TYR: variants seen among roughly 807,000 people sequenced by gnomAD.
TYR encodes the protein LB24-AB.
In TYR, 58 loss-of-function variants were observed where a neutral mutation model predicts 51.5. The ratio of observed to expected loss-of-function variants is 1.13; its 90% confidence interval spans 0.91 to 1.40. TYR has a LOEUF of 1.40. Among genes scored for constraint, TYR ranks in the 40% most tolerant of loss-of-function variants. The pLI, the probability that TYR is intolerant of heterozygous loss-of-function variation, is 0.00. For synonymous variants in TYR, 263 were observed against 235.2 expected, an observed-to-expected ratio of 1.12 and a Z score of -1.08; for missense variants, 732 against 647.4, an observed-to-expected ratio of 1.13 and a Z score of -1.42.
chr11:89,293,090 G>A (rs1309656245), intron 4 of TYR, among the ~76,000 whole-genome samples: 2 of 152,058 alleles, frequency 1.3e-5, no homozygotes, highest in Non-Finnish European at 2.9e-5. Flanking sequence ...TATGACTAAA[G>A]GTGTAGATAG....
intron 3 of TYR, among the ~76,000 whole-genome samples, chr11:89,264,206 A>C (rs1485870742): frequency 1.3e-5 from 2 of 152,052 alleles, no homozygotes; most frequent in Non-Finnish European, 2.9e-5. Flanking sequence ...CTTTTTAAAA[A>C]AAAATTCCTA....
intron 2 of TYR, among the ~76,000 whole-genome samples, chr11:89,206,708 T>C (rs1157800440): frequency 6.6e-6 from 1 of 152,050 alleles, no homozygotes; most frequent in African/African-American, 2.4e-5. Flanking sequence ...AAACATATGC[T>C]AAACATATGA....
At chr11:89,247,118 C>G (rs1944276809) in intron 3 of TYR, among the ~76,000 whole-genome samples, 1 of 152,092 alleles carries the variant, frequency 6.6e-6, no homozygotes, top group South Asian at 2.1e-4. Context: ...TCATATTTGT[C>G]TATATTCTGA....
chr11:89,204,589 G>A (rs1462215693), intron 2 of TYR, among the ~76,000 whole-genome samples: 2 of 151,844 alleles, frequency 1.3e-5, no homozygotes, highest in Non-Finnish European at 2.9e-5. Flanking sequence ...GTAGAGACAG[G>A]ATTTCACTAT....
intron 2 of TYR, chr11:89,192,064 C>T (rs765638017): frequency 4.3e-5 from 19 of 445,144 alleles, no homozygotes; most frequent in African/African-American, 3.4e-4. Context: ...AATAAGGACA[C>T]AGCACATAGG....
At chr11:89,266,288 C>A (rs1176380541) in intron 3 of TYR, among the ~76,000 whole-genome samples, 1 of 151,894 alleles carries the variant, frequency 6.6e-6, no homozygotes. Flanking sequence ...ACCATAAATA[C>A]TCTTAGTCAT....
At chr11:89,293,622 C>G (rs1211723525) in intron 4 of TYR, 1 of 152,674 alleles carries the variant, frequency 6.5e-6, no homozygotes, top group Non-Finnish European at 1.5e-5. Flanking sequence ...AAACCCAACT[C>G]TCCCAATACT....
At chr11:89,236,869 C>G (rs191800105) in intron 3 of TYR, among the ~76,000 whole-genome samples, 8 of 152,274 alleles carry the variant, frequency 5.3e-5, no homozygotes, top group Admixed American at 3.3e-4. Context: ...TTGACCTCCT[C>G]CATAAACTAT....
chr11:89,243,683 A>G (rs1044222839), intron 3 of TYR, among the ~76,000 whole-genome samples: 5 of 152,188 alleles, frequency 3.3e-5, no homozygotes, highest in African/African-American at 1.2e-4. Context: ...AAGTGTAACA[A>G]TGTCCAACTG....
intron 1 of TYR, among the ~76,000 whole-genome samples, chr11:89,187,823 T>C (rs1943395094): frequency 1.3e-5 from 2 of 152,016 alleles, no homozygotes; most frequent in African/African-American, 4.8e-5. Context: ...TACACAATAA[T>C]ACATAGTGAA....
chr11:89,220,377 G>C (rs1943893134), intron 2 of TYR, among the ~76,000 whole-genome samples: 1 of 151,980 alleles, frequency 6.6e-6, no homozygotes, highest in African/African-American at 2.4e-5. Flanking sequence ...AGCACCAAAC[G>C]GATGGTACTA....
chr11:89,258,022 G>A (rs1411170881), intron 3 of TYR, among the ~76,000 whole-genome samples: 2 of 151,858 alleles, frequency 1.3e-5, no homozygotes, highest in Non-Finnish European at 1.5e-5. Flanking sequence ...TTAACAATGT[G>A]AAATTGTGTT....
chr11:89,243,885 G>T (rs1944232715), intron 3 of TYR, among the ~76,000 whole-genome samples: 1 of 151,900 alleles, frequency 6.6e-6, no homozygotes, highest in Non-Finnish European at 1.5e-5. Context: ...AATAAGGAAG[G>T]TTATAGAATA....
intron 3 of TYR, among the ~76,000 whole-genome samples, chr11:89,252,974 T>G (rs1944347789): frequency 6.6e-6 from 1 of 151,822 alleles, no homozygotes; most frequent in Non-Finnish European, 1.5e-5. Context: ...AGTGGTAAAT[T>G]GAATCACAAT....
intron 3 of TYR, among the ~76,000 whole-genome samples, chr11:89,244,083 T>A (rs1401676088): frequency 6.6e-6 from 1 of 152,080 alleles, no homozygotes. Context: ...ATATGTACAT[T>A]TTTGCAATAA....
At chr11:89,190,854 A>G (rs1007057702) in intron 1 of TYR, among the ~76,000 whole-genome samples, 2 of 152,062 alleles carry the variant, frequency 1.3e-5, no homozygotes, top group African/African-American at 4.8e-5. Flanking sequence ...ATAGGTTTAG[A>G]TGTATAGATA....
At chr11:89,193,189 C>T (rs555089451) in intron 2 of TYR, among the ~76,000 whole-genome samples, 18 of 152,192 alleles carry the variant, frequency 1.2e-4, no homozygotes, top group African/African-American at 3.4e-4. Flanking sequence ...CATTGCAAAG[C>T]GAAGCTACAT....
At chr11:89,272,742 C>T (rs1944604060) in intron 3 of TYR, among the ~76,000 whole-genome samples, 1 of 151,902 alleles carries the variant, frequency 6.6e-6, no homozygotes, top group Non-Finnish European at 1.5e-5. Flanking sequence ...AGTGTAATGG[C>T]TTTCATCTCT....
intron 3 of TYR, among the ~76,000 whole-genome samples, chr11:89,272,982 T>C (rs932650489): frequency 8.6e-5 from 13 of 151,960 alleles, no homozygotes; most frequent in African/African-American, 3.1e-4. Context: ...AGTTTGTAGC[T>C]GGTTTGATCT....
Sources: allele counts gnomAD v4.1 joint callset (sites outside exome capture counted in the v4.1 genomes callset), GRCh38; gene constraint gnomAD v4.1.1; transcripts MANE v1.5; gene names NCBI Gene and HGNC (gene_info 2026-07-23, HGNC 2026-07-21).